Variants in UNC5C observed in about 807,000 individuals in gnomAD.
The protein encoded by UNC5C is netrin receptor UNC5C.
A neutral mutation model predicts 99.8 loss-of-function variants in UNC5C; 47 were observed. The observed-to-expected ratio is 0.47, with a 90% CI of 0.37 to 0.60. UNC5C has a LOEUF of 0.60. Ranked by LOEUF, UNC5C falls within the 20% of genes least tolerant of loss-of-function variation. UNC5C has a pLI of 0.00. For missense variants in UNC5C, 1,062 were observed against 1,165.9 expected (o/e 0.91, Z 1.30); for synonymous variants, 487 against 452.2 (o/e 1.08, Z -0.98).
intron 1 of UNC5C, among the ~76,000 whole-genome samples, chr4:95,524,590 G>A (rs1254224045): frequency 1.3e-5 from 2 of 152,122 alleles, no homozygotes; most frequent in Non-Finnish European, 1.5e-5. Context: ...TGAGAACCTG[G>A]AGTCTTTTGT....
chr4:95,500,309 G>A (rs1416876903), intron 1 of UNC5C, among the ~76,000 whole-genome samples: 1 of 151,878 alleles, frequency 6.6e-6, no homozygotes, highest in African/African-American at 2.4e-5. Context: ...TACCCATTTG[G>A]TTTCTTGCCA....
intron 14 of UNC5C, among the ~76,000 whole-genome samples, chr4:95,177,408 C>T (rs1553949593): frequency 6.6e-6 from 1 of 151,974 alleles, no homozygotes; most frequent in East Asian, 2.0e-4. Context: ...TCACCCAGAG[C>T]GCCCCCCATA....
intron 2 of UNC5C, among the ~76,000 whole-genome samples, chr4:95,319,118 C>G (rs1355481573): frequency 6.6e-6 from 1 of 152,328 alleles, no homozygotes. Context: ...CTCTCTGCCA[C>G]ACTTTTACAA....
intron 14 of UNC5C, among the ~76,000 whole-genome samples, chr4:95,181,484 C>T (rs1022236439): frequency 6.6e-6 from 1 of 152,156 alleles, no homozygotes; most frequent in Non-Finnish European, 1.5e-5. Context: ...CCTCACCCCC[C>T]TCCAAAATTC....
chr4:95,259,209 G>A (rs1035639238), intron 4 of UNC5C, among the ~76,000 whole-genome samples: 2 of 152,030 alleles, frequency 1.3e-5, no homozygotes, highest in African/African-American at 4.8e-5. Context: ...ATGCCTTAGA[G>A]TCCTCATTTA....
intron 12 of UNC5C, among the ~76,000 whole-genome samples, chr4:95,198,013 G>A (rs1182774544): frequency 6.8e-6 from 1 of 147,458 alleles, no homozygotes; most frequent in African/African-American, 2.5e-5. Context: ...TAAGAGATGG[G>A]GTCTCGCTCT....
chr4:95,228,654 A>C (rs777001425), intron 7 of UNC5C, among the ~76,000 whole-genome samples: 1 of 152,198 alleles, frequency 6.6e-6, no homozygotes, highest in Admixed American at 6.5e-5. Flanking sequence ...GTACTATGTG[A>C]GCAATAATTA....
chr4:95,226,067 A>G (rs1182100894), intron 7 of UNC5C, among the ~76,000 whole-genome samples: 3 of 152,238 alleles, frequency 2.0e-5, no homozygotes, highest in East Asian at 3.8e-4. Flanking sequence ...TGCTGAGAGT[A>G]GTCCTAGCAA....
At chr4:95,482,824 A>T (rs1423987531) in intron 1 of UNC5C, among the ~76,000 whole-genome samples, 2 of 122,782 alleles carry the variant, frequency 1.6e-5, no homozygotes, top group Non-Finnish European at 3.3e-5. Flanking sequence ...ACACATGGAC[A>T]CAGGAAGGGG....
chr4:95,237,618 C>T (rs893119679), intron 7 of UNC5C, among the ~76,000 whole-genome samples: 1 of 151,900 alleles, frequency 6.6e-6, no homozygotes, highest in Non-Finnish European at 1.5e-5. Context: ...CTATAAAGCC[C>T]ATAATAAAAC....
intron 1 of UNC5C, among the ~76,000 whole-genome samples, chr4:95,513,087 G>T (rs189849866): frequency 4.6e-4 from 70 of 152,246 alleles, no homozygotes; most frequent in Non-Finnish European, 7.9e-4. Flanking sequence ...CGTCATGGTT[G>T]CTAAATATGT....
In UNC5C at chr4:95,361,956, TC is replaced by T. The variant is rs1317374284; in HGVS notation, c.125-26326del. Reference sequence around the variant, plus strand: ...ACGTATATATATAAAAAACAGATTATCTATTATCTATTATATATATATATAT... The same window carrying T: ...ACGTATATATATAAAAAACAGATTATTATTATCTATTATATATATATATAT... On this transcript the variant is annotated intron_variant, in intron 1 of 15. Coordinates refer to ENST00000453304, the MANE Select transcript of UNC5C (RefSeq NM_003728.4). 9.5e-5 allele frequency among the ~76,000 whole-genome samples: 14 copies of T among 147,966 alleles called. No homozygotes were observed. The South Asian group carries it at 2.8e-3, about 29-fold the overall frequency.
At chr4:95,326,671 A>G (rs1462717174) in intron 2 of UNC5C, among the ~76,000 whole-genome samples, 3 of 152,212 alleles carry the variant, frequency 2.0e-5, no homozygotes, top group East Asian at 1.9e-4. Flanking sequence ...GCAAAGAGTA[A>G]TGGTAATGAA....
At chr4:95,183,138 ACT>A in intron 13 of UNC5C, 77 bp from the exon 14 acceptor site, 5 of 1,418,542 alleles carry the variant, frequency 3.5e-6, no homozygotes, top group Non-Finnish European at 2.9e-6. Flanking sequence ...GCTGCCAGGT[ACT>A]CTGAGTATCA....
intron 1 of UNC5C, among the ~76,000 whole-genome samples, chr4:95,353,664 G>T (rs900947655): frequency 4.6e-5 from 7 of 151,540 alleles, no homozygotes; most frequent in Non-Finnish European, 7.4e-5. Context: ...ACTATGAAAA[G>T]AAAATAGAAA....
At chr4:95,278,200 G>A in intron 4 of UNC5C, 59 bp downstream of exon 4, 1 of 1,363,948 alleles carries the variant, frequency 7.3e-7, no homozygotes. Flanking sequence ...CCATGGATTA[G>A]GCCTCTGTTA....
chr4:95,224,065 C>T (rs570126584), intron 7 of UNC5C, among the ~76,000 whole-genome samples: 1 of 152,210 alleles, frequency 6.6e-6, no homozygotes, highest in South Asian at 2.1e-4. Flanking sequence ...GGTGGATCGC[C>T]TGAGCTCATG....
intron 2 of UNC5C, among the ~76,000 whole-genome samples, chr4:95,327,850 C>T (rs569593462): frequency 4.9e-4 from 75 of 151,926 alleles, no homozygotes; most frequent in Non-Finnish European, 1.0e-3. Context: ...ATAAACTGTT[C>T]CTGTGACCTG....
chr4:95,204,012 G>A (rs115178609), intron 11 of UNC5C, among the ~76,000 whole-genome samples: 5,885 of 152,140 alleles, frequency 0.039, 167 homozygotes, highest in African/African-American at 0.083. Context: ...GCTGGGATGA[G>A]GGCAGGGTGG....
Sources: gnomAD v4.1 joint callset for allele counts (sites outside exome capture counted in the v4.1 genomes callset) on GRCh38, gnomAD v4.1.1 for gene constraint, MANE v1.5 for transcripts, NCBI Gene and HGNC (gene_info 2026-07-23, HGNC 2026-07-21) for gene names.